Variants in TOMM22 observed in about 807,000 individuals in gnomAD.
TOMM22 encodes translocase of outer mitochondrial membrane 22.
Under a neutral mutation model 17.1 loss-of-function variants are expected in TOMM22, and 3 were observed. The ratio of observed to expected loss-of-function variants is 0.18; its 90% CI spans 0.08 to 0.45. The LOEUF (loss-of-function observed/expected upper bound fraction) is 0.45. Ranked by LOEUF, TOMM22 falls within the 20% of genes least tolerant of loss-of-function variation. The probability of loss-of-function intolerance (pLI) is 0.99; values close to 1 mark genes in which losing one functional copy is unlikely to be tolerated. For missense variants in TOMM22, 159 were observed against 179.5 expected (o/e 0.89, Z 0.65); for synonymous variants, 91 against 74.0 (o/e 1.23, Z -1.18).
At chr22:38,682,485 T>G (rs1569259680) in intron 2 of TOMM22, 44 bp downstream of exon 2, 1 of 1,558,654 alleles carries the variant, frequency 6.4e-7, no homozygotes, top group Non-Finnish European at 8.8e-7. Flanking sequence ...CATGGGATGG[T>G]CGTGGTGCTG....
Position 38,685,359 on chromosome 22 carries a change from A to C in TOMM22, c.*1518A>C, listed in dbSNP as rs2092493598. ...AGTCACCAGTGTGGTACAAACTTGT[A>C]CTTAGGTGGATTCTTCAAATTGTCA... is the stretch of plus-strand genomic sequence containing the variant. On this transcript the variant is annotated 3_prime_UTR_variant, in exon 4 of 4. Coordinates refer to ENST00000216034, the MANE Select transcript of TOMM22 (RefSeq NM_020243.5). 1 of 152,244 alleles carries C rather than the reference A, an allele frequency of 6.6e-6. No individual in the cohort carries two copies. Among genetic ancestry groups the C allele is most frequent in the African/African-American group, 2.4e-5 (1 of 41,468 alleles). The allele number at this position is 152,244 out of a possible 1,614,324, so 9.4% of individuals were successfully genotyped here.
At chr22:38,682,268 G>T in intron 1 of TOMM22, 55 bp from the exon 2 acceptor site, 1 of 1,583,802 alleles carries the variant, frequency 6.3e-7, no homozygotes, top group South Asian at 1.1e-5. Flanking sequence ...TGCCGCAGCG[G>T]GGCCAGGAAT....
rs1369383179 is a variant in TOMM22, at chr22:38,682,973, C to A, written c.331C>A (p.Gln111Lys). 1.6e-5 allele frequency: 26 copies of A among 1,613,660 alleles called. No homozygotes were observed. Among genetic ancestry groups the A allele is most frequent in the Non-Finnish European group, 2.1e-5 (25 of 1,179,810 alleles). ...GACGGAGAAGTTGCAAATGGAGCAA[C>A]AGCAGCAACTGCAGCAGCGGCAGGT... ...FETEKLQMEQ[Q>K]QQLQQRQILL... Residue 111 changes from glutamine to lysine, a missense_variant, in exon 3 of 4, where the codon CAG becomes AAG. Transcript: ENST00000216034.
chr22:38,682,289 T>A (rs2092481067), intron 1 of TOMM22, 34 bp from the exon 2 acceptor site: 24 of 1,606,176 alleles, frequency 1.5e-5, no homozygotes, highest in Non-Finnish European at 2.0e-5. Context: ...GGATGTCGCT[T>A]TTTCGGCTAA....
At chr22:38,682,479 G>C (rs969359666) in intron 2 of TOMM22, 38 bp downstream of exon 2, 5 of 1,566,076 alleles carry the variant, frequency 3.2e-6, no homozygotes, top group Non-Finnish European at 4.4e-6. Context: ...TACGTGCATG[G>C]GATGGTCGTG....
rs906604628 is a variant in TOMM22 at position 38,684,595 on chromosome 22, A to G, written c.*754A>G. 2 of 152,142 alleles carry G rather than the reference A, an allele frequency of 1.3e-5. No homozygotes were observed. The highest frequency in any genetic ancestry group is 4.8e-5 in the African/African-American group (2 of 41,418). The allele number at this position is 152,142 out of a possible 1,614,324, so 9.4% of individuals were successfully genotyped here. ...CTCCATCTTAACAGCCATAGGCCCA[A>G]ATTGTTTCCAAGTGAAAATTCATTT... On this transcript the variant is annotated 3_prime_UTR_variant, in exon 4 of 4. Coordinates refer to ENST00000216034, the MANE Select transcript of TOMM22 (RefSeq NM_020243.5).
Position 38,684,178 on chromosome 22 carries a change from G to T in TOMM22, c.*337G>T. On this transcript the variant is annotated 3_prime_UTR_variant, in exon 4 of 4. Transcript: ENST00000216034. Reference sequence around the variant, plus strand: ...AGGAACCGATGCCAGTGGGAGGGATGTGCCCCTGACCATTAACGACTGTTT... The same window carrying T: ...AGGAACCGATGCCAGTGGGAGGGATTTGCCCCTGACCATTAACGACTGTTT... 3.6e-6 allele frequency: 1 copy of T among 274,940 alleles called. No homozygotes were observed. Among genetic ancestry groups the T allele is most frequent in the Non-Finnish European group, 6.9e-6 (1 of 145,048 alleles). 17.0% of individuals were successfully genotyped at this position (274,940 alleles called of 1,614,324 possible).
In TOMM22 at chr22:38,685,246, ACTG is replaced by A. The variant is rs1387431870; in HGVS notation, c.*1412_*1414del. 7 of 152,260 alleles carry A rather than the reference ACTG, an allele frequency of 4.6e-5. No individual in the cohort carries two copies. The highest frequency in any genetic ancestry group is 1.0e-4 in the Non-Finnish European group (7 of 68,062). 9.4% of individuals were successfully genotyped at this position (152,260 alleles called of 1,614,324 possible). On this transcript the variant is annotated 3_prime_UTR_variant, in exon 4 of 4. Coordinates refer to ENST00000216034, the MANE Select transcript of TOMM22 (RefSeq NM_020243.5). ...AATCCAGGCAGTCCAGCTACAGAAC[ACTG>A]CTGCTGTGCGCTCGGGATGGTGGGG... is the stretch of plus-strand genomic sequence containing the variant.
intron 1 of TOMM22, 55 bp from the exon 2 acceptor site, chr22:38,682,268 G>C: frequency 3.8e-6 from 6 of 1,583,802 alleles, no homozygotes; most frequent in Non-Finnish European, 5.2e-6. Flanking sequence ...TGCCGCAGCG[G>C]GGCCAGGAAT....
At chr22:38,682,589 G>C in intron 2 of TOMM22, 148 bp downstream of exon 2, 1 of 736,054 alleles carries the variant, frequency 1.4e-6, no homozygotes, top group Non-Finnish European at 2.3e-6. Context: ...TGTAAAATGG[G>C]GATTCTTACC....
Position 38,684,059 on chromosome 22 carries a change from T to C in TOMM22, c.*218T>C. On this transcript the variant is annotated 3_prime_UTR_variant, in exon 4 of 4. Coordinates refer to ENST00000216034, the MANE Select transcript of TOMM22 (RefSeq NM_020243.5). ...TTCTGTCTCCACTCTGATACCAGAGTGCAGCCATGCAGATGGTTATTCCAG... is the reference window on the plus strand; with the variant it reads ...TTCTGTCTCCACTCTGATACCAGAGCGCAGCCATGCAGATGGTTATTCCAG... 1.9e-6 allele frequency: 1 copy of C among 528,586 alleles called. No individual in the cohort carries two copies. The highest frequency in any genetic ancestry group is 2.7e-5 in the South Asian group (1 of 36,826). 32.7% of individuals were successfully genotyped at this position (528,586 alleles called of 1,614,324 possible).
chr22:38,682,847 C>T, intron 2 of TOMM22, 32 bp from the exon 3 acceptor site: 1 of 1,596,732 alleles, frequency 6.3e-7, no homozygotes, highest in Non-Finnish European at 8.6e-7. Flanking sequence ...TGCATGTCTT[C>T]ATGCTCACCC....
In TOMM22 at chr22:38,682,002, C is replaced by G. The variant is rs560841101; in HGVS notation, c.24C>G (p.Ala8=). 6.8e-6 allele frequency: 11 copies of G among 1,611,658 alleles called. No homozygotes were observed. The highest frequency in any genetic ancestry group is 6.7e-5 in the African/African-American group (5 of 75,026). The change falls in exon 1 of 4, where the codon GCC becomes GCG. Residue 8 remains alanine (A), a synonymous_variant. Transcript: ENST00000216034. MAAAVAA[A]GAGEPQSPDE... ...TCATGGCTGCCGCCGTCGCTGCTGC[C>G]GGTGCAGGGGAACCCCAGTCCCCGG...
At chr22:38,682,813 T>G (rs972753510) in intron 2 of TOMM22, 66 bp from the exon 3 acceptor site, 9 of 1,352,436 alleles carry the variant, frequency 6.7e-6, no homozygotes, top group Non-Finnish European at 9.5e-6. Context: ...GTTTGGTTAC[T>G]GGGTAGTTCT....
Position 38,682,997 on chromosome 22 carries a change from G to A in TOMM22, c.354+1G>A. 1 of 1,613,486 alleles carries A rather than the reference G, an allele frequency of 6.2e-7. No homozygotes were observed. The highest frequency in any genetic ancestry group is 8.5e-7 in the Non-Finnish European group (1 of 1,179,610). On this transcript the variant is annotated splice_donor_variant, in intron 3 of 3. Transcript: ENST00000216034. LOFTEE classifies it high-confidence loss of function. The stretch of plus-strand genomic sequence containing the variant: ...ACAGCAGCAACTGCAGCAGCGGCAG[G>A]TGAGCCCAGACCTTGGGCTTTTTGC...
intron 2 of TOMM22, 47 bp from the exon 3 acceptor site, chr22:38,682,827 CTGTTT>C: frequency 6.6e-7 from 1 of 1,525,376 alleles, no homozygotes; most frequent in Non-Finnish European, 9.1e-7. Flanking sequence ...TAGTTCTTGC[CTGTTT>C]TGTTTGCATG....
rs1388126620 is a variant in TOMM22, at chr22:38,682,404, T to G, written c.199T>G (p.Phe67Val). Residue 67 changes from phenylalanine (F) to valine (V), a missense_variant, in exon 2 of 4, where the codon TTT (phenylalanine) becomes GTT (valine). Transcript: ENST00000216034. Reference sequence around the variant, plus strand: ...GGTCCGGTCCGCGGCCGGAGCCACTTTTGATCTTTCCCTCTTTGTGGCTCA... The same window carrying G: ...GGTCCGGTCCGCGGCCGGAGCCACTGTTGATCTTTCCCTCTTTGTGGCTCA... Reference protein sequence around the residue: ...ERVRSAAGATFDLSLFVAQKM... With the variant: ...ERVRSAAGATVDLSLFVAQKM... 5.6e-6 allele frequency: 9 copies of G among 1,614,144 alleles called. No homozygotes were observed. The East Asian group carries it at 1.8e-4, about 32-fold the overall frequency.
In TOMM22 at chr22:38,684,528, C is replaced by T. The variant is rs2092490190; in HGVS notation, c.*687C>T. 1 of 152,176 alleles carries T rather than the reference C, an allele frequency of 6.6e-6. No homozygotes were observed. Among genetic ancestry groups the T allele is most frequent in the African/African-American group, 2.4e-5 (1 of 41,442 alleles). The allele number at this position is 152,176 out of a possible 1,614,324, so 9.4% of individuals were successfully genotyped here. A position where few individuals can be genotyped will look rare whatever the true frequency, so the allele number is the denominator to read the frequency against. On this transcript the variant is annotated 3_prime_UTR_variant, in exon 4 of 4. Coordinates refer to ENST00000216034, the MANE Select transcript of TOMM22 (RefSeq NM_020243.5). ...CCTTGAAATGAGACCACGTCAGAGA[C>T]ATGTACTGCCCCTCACATTTTCTCA...
chr22:38,682,619 G>T (rs1228673666), intron 2 of TOMM22, among the ~76,000 whole-genome samples, 178 bp downstream of exon 2: 1 of 151,902 alleles, frequency 6.6e-6, no homozygotes, highest in Non-Finnish European at 1.5e-5. Context: ...AGTTGTGGGG[G>T]TTATTTCAGA....
Sources: allele counts gnomAD v4.1 joint callset (sites outside exome capture counted in the v4.1 genomes callset), GRCh38; gene constraint gnomAD v4.1.1; transcripts MANE v1.5; gene names NCBI Gene and HGNC (gene_info 2026-07-23, HGNC 2026-07-21).